The following ARPC1B variants were observed in gnomAD, a reference collection of about 807,000 sequenced individuals.
ARPC1B encodes the protein actin-related protein 2/3 complex subunit 1B.
ARPC1B carries 29 observed loss-of-function variants against 46.0 expected under a neutral mutation model. That is an observed-to-expected ratio of 0.63 (90% confidence interval 0.47 to 0.86). ARPC1B has a LOEUF of 0.86. Ranked by LOEUF, ARPC1B falls within the 40% of genes least tolerant of loss-of-function variation. ARPC1B has a pLI of 0.00. For missense variants in ARPC1B, 469 were observed against 529.4 expected, an observed-to-expected ratio of 0.89 and a Z score of 1.12; for synonymous variants, 201 against 213.9, an observed-to-expected ratio of 0.94 and a Z score of 0.53.
Position 99,386,306 on chromosome 7 carries a change from C to T in ARPC1B, c.65-379C>T, listed in dbSNP as rs547134429. On this transcript the variant is annotated intron_variant, in intron 2 of 9. Transcript: ENST00000646101. Reference sequence around the variant, plus strand: ...AAAAAGTGACCAAGAAAAAGCCTTTCGGAGGAGATGACATTTTGACATTTA... The same window carrying T: ...AAAAAGTGACCAAGAAAAAGCCTTTTGGAGGAGATGACATTTTGACATTTA... 8.1e-4 allele frequency: 309 copies of T among 382,942 alleles called. 5 individuals carry two copies. The Middle Eastern group carries it at 0.028, about 35-fold the overall frequency. 23.7% of individuals were successfully genotyped at this position (382,942 alleles called of 1,614,324 possible). A position where few individuals can be genotyped will look rare whatever the true frequency, so the allele number is the denominator to read the frequency against.
intron 5 of ARPC1B, among the ~76,000 whole-genome samples, chr7:99,390,377 T>C (rs1244159245): frequency 1.3e-5 from 2 of 151,914 alleles, no homozygotes; most frequent in African/African-American, 2.4e-5. Context: ...GGATTTTTTT[T>C]TTTTTTTTGG....
rs528632287 is a variant in ARPC1B, at chr7:99,387,807, C to T, written c.170-232C>T. On this transcript the variant is annotated intron_variant, in intron 3 of 9. Transcript: ENST00000646101. ...CCCGGCTACTCAGGAGGCTGAGGCA[C>T]GAGGATTGCTTGAACCTGGGAGGCA... Among the ~76,000 whole-genome samples, 30 of 148,114 alleles carry T rather than the reference C, an allele frequency of 2.0e-4. No individual in the cohort carries two copies. The East Asian group carries it at 2.6e-3, about 13-fold the overall frequency.
At chr7:99,392,644 C>T (rs1794603928) in intron 7 of ARPC1B, 27 bp from the exon 8 acceptor site, 4 of 1,456,156 alleles carry the variant, frequency 2.7e-6, no homozygotes, top group African/African-American at 1.5e-5. Flanking sequence ...CTCCGCGGCG[C>T]TCCAATGGCC....
intron 1 of ARPC1B, among the ~76,000 whole-genome samples, chr7:99,375,875 G>A (rs553308063): frequency 1.3e-5 from 2 of 152,122 alleles, no homozygotes; most frequent in African/African-American, 4.8e-5. Context: ...TAGCCTGACC[G>A]ACATGGTGAA....
chr7:99,375,513 C>T (rs112554277), intron 1 of ARPC1B, among the ~76,000 whole-genome samples: 1,727 of 152,222 alleles, frequency 0.011, 37 homozygotes, highest in African/African-American at 0.04. Flanking sequence ...GCAGCCAGGC[C>T]GCCTAGGGCG....
At position 99,394,799 on chromosome 7, in the gene ARPC1B, AAAG is replaced by A. The variant is rs1794714427; in HGVS notation, c.*311_*313del. Reference sequence around the variant, plus strand: ...CTGTGTAAAAAAAAAAAAAAAAAAAAAAGTAATTATGGACATGCTTGCCTATGT... The same window carrying A: ...CTGTGTAAAAAAAAAAAAAAAAAAAATAATTATGGACATGCTTGCCTATGT... On this transcript the variant is annotated 3_prime_UTR_variant, in exon 10 of 10. Transcript: ENST00000646101. The A allele has an allele frequency of 1.6e-6, 2 of 1,227,166 alleles. No individual in the cohort carries two copies. The highest frequency in any genetic ancestry group is 1.0e-6 in the Non-Finnish European group (1 of 984,116). 76.0% of individuals were successfully genotyped at this position (1,227,166 alleles called of 1,614,324 possible).
intron 8 of ARPC1B, 43 bp downstream of exon 8, chr7:99,392,919 T>C: frequency 6.7e-7 from 1 of 1,500,598 alleles, no homozygotes. Flanking sequence ...GGGCCTCGGC[T>C]CGCCCAGAAA....
chr7:99,385,700 A>G lies in ARPC1B; in HGVS notation c.-13-2A>G. On this transcript the variant is annotated splice_acceptor_variant, in intron 1 of 9. Coordinates refer to ENST00000646101, the MANE Select transcript of ARPC1B (RefSeq NM_005720.4). LOFTEE classifies it low-confidence loss of function (5UTR_SPLICE). ...GATTCTCTCTTCCTCTCTCGGGCAC[A>G]GGAGCCAAGCCGCCATGGCCTACCA... 3.1e-6 allele frequency: 5 copies of G among 1,606,454 alleles called. No individual in the cohort carries two copies. The highest frequency in any genetic ancestry group is 3.4e-6 in the Non-Finnish European group (4 of 1,178,012).
chr7:99,392,613 T>TCCCTCCGGCCTCGGTTTC, intron 7 of ARPC1B, 58 bp from the exon 8 acceptor site: 1 of 1,409,454 alleles, frequency 7.1e-7, no homozygotes, highest in Non-Finnish European at 9.3e-7. Flanking sequence ...CGCCTGGCCT[T>TCCCTCCGGCCTCGGTTTC]CCCTCCGGCC....
intron 1 of ARPC1B, among the ~76,000 whole-genome samples, chr7:99,375,669 T>G (rs1794015526): frequency 6.6e-6 from 1 of 152,062 alleles, no homozygotes; most frequent in Non-Finnish European, 1.5e-5. Context: ...ACACATAGAA[T>G]CCTAGCATTT....
Position 99,392,812 on chromosome 7 carries a change from G to A in ARPC1B, c.925G>A (p.Ala309Thr), listed in dbSNP as rs1338594638. 6.5e-7 allele frequency: 1 copy of A among 1,550,216 alleles called. No homozygotes were observed. The highest frequency in any genetic ancestry group is 8.7e-7 in the Non-Finnish European group (1 of 1,146,790). The change falls in exon 8 of 10, where the codon GCG becomes ACG. Residue 309 changes from alanine to threonine, a missense_variant. Physicochemically the swap from Ala to Thr is moderately conservative, Grantham distance 58. Transcript: ENST00000646101. ...RERFQNLDKK[A>T]SSEGGTAAGA... ...GCGCTTCCAGAACCTGGACAAGAAG[G>A]CGAGCTCCGAGGGTGGCACGGCTGC...
chr7:99,375,271 C>T (rs1584394754), intron 1 of ARPC1B, among the ~76,000 whole-genome samples: 1 of 152,190 alleles, frequency 6.6e-6, no homozygotes. Flanking sequence ...CCTCCATCCC[C>T]GGAGCCTTCC....
chr7:99,375,833 G>A (rs944935682), intron 1 of ARPC1B, among the ~76,000 whole-genome samples: 2 of 152,134 alleles, frequency 1.3e-5, no homozygotes, highest in African/African-American at 4.8e-5. Flanking sequence ...GAGTCGAGGT[G>A]GACGGATCAC....
chr7:99,388,273 G>A lies in ARPC1B; in HGVS notation c.392+12G>A. On this transcript the variant is annotated intron_variant, in intron 4 of 9. Coordinates refer to ENST00000646101, the MANE Select transcript of ARPC1B (RefSeq NM_005720.4). ...CAGGAGAATGACTGGTGGGTACCTA[G>A]GCAGGGCCAGAGTGGGCTGTTAGGG... 1 of 1,612,802 alleles carries A rather than the reference G, an allele frequency of 6.2e-7. No homozygotes were observed.
intron 7 of ARPC1B, 132 bp from the exon 8 acceptor site, chr7:99,392,539 C>A (rs1034917097): frequency 1.9e-5 from 15 of 802,146 alleles, no homozygotes; most frequent in Non-Finnish European, 2.3e-5. Flanking sequence ...GCAATTCGGG[C>A]CTCCCTCGCT....
At chr7:99,381,665 G>A (rs976914991) in intron 1 of ARPC1B, among the ~76,000 whole-genome samples, 2 of 152,224 alleles carry the variant, frequency 1.3e-5, no homozygotes, top group Admixed American at 6.5e-5. Flanking sequence ...TGATACAAGT[G>A]AAAGCAAGCG....
intron 1 of ARPC1B, among the ~76,000 whole-genome samples, 194 bp from the exon 2 acceptor site, chr7:99,385,508 G>A (rs1402002904): frequency 6.6e-6 from 1 of 152,164 alleles, no homozygotes; most frequent in Non-Finnish European, 1.5e-5. Context: ...GAGGCCCCAG[G>A]AGGGGAAGCA....
At chr7:99,390,194 C>T (rs1292950034) in intron 5 of ARPC1B, among the ~76,000 whole-genome samples, 182 bp downstream of exon 5, 1 of 152,206 alleles carries the variant, frequency 6.6e-6, no homozygotes, top group Non-Finnish European at 1.5e-5. Context: ...CATGTCTCAG[C>T]TGGATGGGCC....
At position 99,386,759 on chromosome 7, in the gene ARPC1B, G is replaced by A. The variant is rs779413485; in HGVS notation, c.139G>A (p.Glu47Lys). ...KSGAKWTKVH[E>K]LKEHNGQVTG... ...CGGTGCCAAATGGACCAAGGTGCAC[G>A]AGCTCAAGGAGCACAACGGGCAGGT... Residue 47 changes from glutamate to lysine, a missense_variant, in exon 3 of 10, where the codon GAG (glutamate) becomes AAG (lysine). Glu to Lys is a moderately conservative substitution (Grantham distance 56). Coordinates refer to ENST00000646101, the MANE Select transcript of ARPC1B (RefSeq NM_005720.4). The A allele has an allele frequency of 6.8e-6, 11 of 1,613,928 alleles. No homozygotes were observed. Among genetic ancestry groups the A allele is most frequent in the African/African-American group, 4.0e-5 (3 of 74,912 alleles).
Sources: gnomAD v4.1 joint callset for allele counts (sites outside exome capture counted in the v4.1 genomes callset) on GRCh38, gnomAD v4.1.1 for gene constraint, MANE v1.5 for transcripts, NCBI Gene and HGNC (gene_info 2026-07-23, HGNC 2026-07-21) for gene names.